The following JMJD1C variants were observed in gnomAD, a reference collection of about 807,000 sequenced individuals.
JMJD1C encodes the protein jumonji domain-containing protein 1C.
In JMJD1C, 31 loss-of-function variants were observed where a neutral mutation model predicts 245.3. The ratio of observed to expected loss-of-function variants is 0.13; its 90% CI spans 0.09 to 0.17. The LOEUF is 0.17. Among genes scored for constraint, JMJD1C ranks in the 10% least tolerant of loss-of-function variants. JMJD1C has a pLI of 1.00. For missense variants in JMJD1C, 2,691 were observed against 3,000.2 expected (o/e 0.90, Z 2.41); for synonymous variants, 1,057 against 1,017.4 (o/e 1.04, Z -0.74).
chr10:63,454,864 T>C (rs182765401), intron 1 of JMJD1C, among the ~76,000 whole-genome samples: 91 of 152,342 alleles, frequency 6.0e-4, no homozygotes, highest in Non-Finnish European at 1.0e-3. Context: ...TCTACCTCCA[T>C]ATGTCCTGTA....
chr10:63,422,431 C>T (rs1950177957), intron 1 of JMJD1C, among the ~76,000 whole-genome samples: 1 of 152,142 alleles, frequency 6.6e-6, no homozygotes, highest in Non-Finnish European at 1.5e-5. Context: ...AAAAAGAACA[C>T]TTGCCATTTG....
intron 2 of JMJD1C, among the ~76,000 whole-genome samples, chr10:63,377,883 G>C (rs575580955): frequency 3.6e-4 from 53 of 148,748 alleles, no homozygotes; most frequent in African/African-American, 1.2e-3. Flanking sequence ...GTGTGGAAAA[G>C]TGAGATCTTG....
At position 63,251,975 on chromosome 10, in the gene JMJD1C, T is replaced by C. The variant is rs1183626833; in HGVS notation, c.447+12676A>G. 2.6e-5 allele frequency among the ~76,000 whole-genome samples: 4 copies of C among 152,328 alleles called. No homozygotes were observed. In the South Asian group the frequency reaches 6.2e-4, roughly 24 times the overall value. ...TGCAGTTGAGACAAGATCGTGCCACTGCACTCCAGCCTGGGGTGACAGAGC... is the reference window on the plus strand; with the variant it reads ...TGCAGTTGAGACAAGATCGTGCCACCGCACTCCAGCCTGGGGTGACAGAGC... On this transcript the variant is annotated intron_variant, in intron 3 of 25. Transcript: ENST00000399262.
At chr10:63,474,434 T>C (rs1953594550) in intron 1 of JMJD1C, among the ~76,000 whole-genome samples, 2 of 151,764 alleles carry the variant, frequency 1.3e-5, no homozygotes, top group Admixed American at 1.3e-4. Context: ...GAAATAGAAA[T>C]AAAAACACCT....
intron 1 of JMJD1C, among the ~76,000 whole-genome samples, chr10:63,495,428 A>T (rs1369739613): frequency 2.0e-5 from 3 of 152,142 alleles, no homozygotes; most frequent in Non-Finnish European, 4.4e-5. Context: ...AAGACTAAAA[A>T]CAATTCATTC....
chr10:63,390,461 ACAC>A, intron 1 of JMJD1C, among the ~76,000 whole-genome samples: 1 of 152,152 alleles, frequency 6.6e-6, no homozygotes, highest in Admixed American at 6.6e-5. Context: ...GAAACAACTA[ACAC>A]CACTTCTCCT....
chr10:63,412,825 A>C (rs1271200278), intron 1 of JMJD1C, among the ~76,000 whole-genome samples: 1 of 152,174 alleles, frequency 6.6e-6, no homozygotes, highest in East Asian at 1.9e-4. Context: ...TCTAGGCTAC[A>C]TGGTTCATCT....
intron 2 of JMJD1C, among the ~76,000 whole-genome samples, chr10:63,364,108 G>A (rs896506722): frequency 6.6e-6 from 1 of 151,942 alleles, no homozygotes; most frequent in Non-Finnish European, 1.5e-5. Flanking sequence ...TAGGTGATCC[G>A]CCCACCTTGG....
chr10:63,378,954 G>A (rs1466156726), intron 2 of JMJD1C, among the ~76,000 whole-genome samples: 1 of 152,076 alleles, frequency 6.6e-6, no homozygotes, highest in Admixed American at 6.6e-5. Context: ...GTCACAGACA[G>A]ATATTATTTT....
intron 22 of JMJD1C, among the ~76,000 whole-genome samples, chr10:63,181,116 T>C (rs1428264950): frequency 6.6e-6 from 1 of 152,170 alleles, no homozygotes; most frequent in African/African-American, 2.4e-5. Context: ...TCCACCCACC[T>C]CAGCCTCCCA....
At chr10:63,172,953 A>G (rs1842514872) in intron 24 of JMJD1C, among the ~76,000 whole-genome samples, 1 of 149,914 alleles carries the variant, frequency 6.7e-6, no homozygotes, top group African/African-American at 2.5e-5. Flanking sequence ...AACCAACCTA[A>G]CTTTTTAACA....
rs41274068 is a variant in JMJD1C, at chr10:63,214,218, G to A, written c.1949C>T (p.Thr650Ile). The A allele has an allele frequency of 0.012, 19,216 of 1,613,936 alleles. 161 individuals are homozygous for A. Among genetic ancestry groups the A allele is most frequent in the Non-Finnish European group, 0.014 (16,662 of 1,179,944 alleles). ...PSPEVVKPKI[T>I]HSPDSVKSKA... ...AGACTTTACAGAATCAGGAGAATGA[G>A]TTATTTTGGGTTTAACAACTTCAGG... is the stretch of plus-strand genomic sequence containing the variant. The change falls in exon 8 of 26, where the codon ACT becomes ATT. Residue 650 changes from threonine to isoleucine, a missense_variant. Around this residue, in one of 9 missense-constraint regions of JMJD1C, gnomAD observed 1,562 missense variants for 1,490.7 expected, o/e 1.05. Coordinates refer to ENST00000399262, the MANE Select transcript of JMJD1C (RefSeq NM_032776.3).
chr10:63,317,258 C>T (rs1478232916), intron 2 of JMJD1C, among the ~76,000 whole-genome samples: 1 of 152,070 alleles, frequency 6.6e-6, no homozygotes, highest in African/African-American at 2.4e-5. Context: ...GTAATCCCAG[C>T]ACTTTGGGAG....
chr10:63,282,042 G>A (rs1272337824), intron 2 of JMJD1C, among the ~76,000 whole-genome samples: 1 of 152,114 alleles, frequency 6.6e-6, no homozygotes, highest in African/African-American at 2.4e-5. Context: ...GCCTCTTCCA[G>A]TTTTTCCTAA....
intron 1 of JMJD1C, among the ~76,000 whole-genome samples, chr10:63,380,798 G>A (rs933194961): frequency 6.6e-6 from 1 of 152,182 alleles, no homozygotes; most frequent in African/African-American, 2.4e-5. Context: ...GCAGAAAGGG[G>A]AACTCTAGTA....
rs935590058 is a variant in JMJD1C, at chr10:63,215,598, T to G, written c.777A>C (p.Thr259=). Residue 259 remains threonine, a synonymous_variant, in exon 6 of 26, where the codon ACA becomes ACC. Transcript: ENST00000399262. ...GATTGGCACGAGACCTGCGTCGTGA[T>G]GTAATGCCAATATTTTCACCTTTTA... ...SLLKGENIGI[T]SRRRSRANQN... 1.2e-6 allele frequency: 2 copies of G among 1,611,644 alleles called. No homozygotes were observed. The highest frequency in any genetic ancestry group is 1.7e-6 in the Non-Finnish European group (2 of 1,177,836).
chr10:63,380,574 G>T (rs78069154), intron 1 of JMJD1C, 92 bp from the exon 2 acceptor site: 1 of 941,556 alleles, frequency 1.1e-6, no homozygotes, highest in Non-Finnish European at 1.6e-6. Context: ...ATATTTATGG[G>T]GTACATATGA....
At chr10:63,499,215 T>A (rs188422313) in intron 1 of JMJD1C, among the ~76,000 whole-genome samples, 51 of 152,336 alleles carry the variant, frequency 3.3e-4, no homozygotes, top group African/African-American at 1.2e-3. Context: ...CTGATTTCAA[T>A]TCTTTTGGAT....
chr10:63,295,959 A>ATGTGTGTGTGTGTGTGTGTG (rs370590868), intron 2 of JMJD1C, among the ~76,000 whole-genome samples: 1 of 89,860 alleles, frequency 1.1e-5, no homozygotes, highest in African/African-American at 4.4e-5. Flanking sequence ...ATACACGTAT[A>ATGTGTGTGTGTGTGTGTGTG]TGTGTGTGTG....
Sources: gnomAD v4.1 joint callset for allele counts (sites outside exome capture counted in the v4.1 genomes callset) on GRCh38, gnomAD v4.1.1 for gene constraint, gnomAD v4.1.1 regional missense constraint, MANE v1.5 for transcripts, NCBI Gene and HGNC (gene_info 2026-07-23, HGNC 2026-07-21) for gene names.